WAPL: variants seen among roughly 807,000 people sequenced by gnomAD.
WAPL encodes wings apart-like protein homolog.
A neutral mutation model predicts 121.0 loss-of-function variants in WAPL; 5 were observed. The ratio of observed to expected loss-of-function variants is 0.04; its 90% CI spans 0.02 to 0.09. The LOEUF (loss-of-function observed/expected upper bound fraction) is 0.09. Among genes scored for constraint, WAPL ranks in the 10% least tolerant of loss-of-function variants. The probability of loss-of-function intolerance (pLI) is 1.00; values close to 1 mark genes in which losing one functional copy is unlikely to be tolerated. For synonymous variants in WAPL, 480 were observed against 481.5 expected (o/e 1.00, Z 0.04); for missense variants, 999 against 1,410.8 (o/e 0.71, Z 4.68).
chr10:86,459,734 A>G (rs1302683450), intron 11 of WAPL, among the ~76,000 whole-genome samples: 1 of 152,254 alleles, frequency 6.6e-6, no homozygotes, highest in Non-Finnish European at 1.5e-5. Flanking sequence ...TGCTAATAAC[A>G]ATTTAAAAAT....
At chr10:86,473,211 A>C (rs1841573109) in intron 5 of WAPL, among the ~76,000 whole-genome samples, 1 of 152,224 alleles carries the variant, frequency 6.6e-6, no homozygotes, top group Non-Finnish European at 1.5e-5. Flanking sequence ...ATTACTACTA[A>C]TATACAAAAT....
chr10:86,484,666 T>C (rs1292319862), intron 4 of WAPL, among the ~76,000 whole-genome samples: 1 of 152,230 alleles, frequency 6.6e-6, no homozygotes, highest in African/African-American at 2.4e-5. Context: ...CTTGCAATCC[T>C]GCAAGCTCCA....
In WAPL at chr10:86,496,549, T is replaced by C. The variant is rs1842153802; in HGVS notation, c.1644+652A>G. On this transcript the variant is annotated intron_variant, in intron 4 of 18. Coordinates refer to ENST00000298767, the MANE Select transcript of WAPL (RefSeq NM_015045.5). ...AAGGTAAAAACAATCCAAGTGTCCA[T>C]CAACAGATGAATGGATAAACAAAAT... Among the ~76,000 whole-genome samples, 6 of 152,102 alleles carry C rather than the reference T, an allele frequency of 3.9e-5. No individual in the cohort carries two copies. The South Asian group carries it at 1.0e-3, about 26-fold the overall frequency.
chr10:86,484,683 G>A (rs1029635755), intron 4 of WAPL, among the ~76,000 whole-genome samples: 2 of 152,130 alleles, frequency 1.3e-5, no homozygotes, highest in African/African-American at 4.8e-5. Context: ...TCCATTCATG[G>A]TTAAGTGTCC....
rs185649131 is a variant in WAPL, at chr10:86,449,587, T to C, written c.3114+2380A>G. Among the ~76,000 whole-genome samples the C allele has an allele frequency of 3.3e-5, 5 of 152,278 alleles. No individual in the cohort carries two copies. In the East Asian group the frequency reaches 7.7e-4, roughly 24 times the overall value. On this transcript the variant is annotated intron_variant, in intron 15 of 18. Coordinates refer to ENST00000298767, the MANE Select transcript of WAPL (RefSeq NM_015045.5). ...GACACAGTAGGAAAATTTGAGACTATCCCTGAAACAACTCACAAACAGGGA... is the reference window on the plus strand; with the variant it reads ...GACACAGTAGGAAAATTTGAGACTACCCCTGAAACAACTCACAAACAGGGA...
At chr10:86,468,027 T>C (rs1841441728) in intron 8 of WAPL, among the ~76,000 whole-genome samples, 1 of 152,018 alleles carries the variant, frequency 6.6e-6, no homozygotes, top group African/African-American at 2.4e-5. Context: ...TAAAATGCTG[T>C]TGCTTAAAAT....
intron 4 of WAPL, among the ~76,000 whole-genome samples, chr10:86,478,716 T>C (rs375287224): frequency 1.3e-5 from 2 of 152,196 alleles, no homozygotes; most frequent in African/African-American, 4.8e-5. Context: ...ATAGTTTCTA[T>C]AAAAACAATG....
At chr10:86,517,298 GAT>G (rs1842573898) in intron 2 of WAPL, among the ~76,000 whole-genome samples, 1 of 152,132 alleles carries the variant, frequency 6.6e-6, no homozygotes, top group Non-Finnish European at 1.5e-5. Flanking sequence ...AACAAAAAGA[GAT>G]ATTTCTTATT....
rs115116210 is a variant in WAPL, at chr10:86,459,625, T to C, written c.2581-560A>G. Among the ~76,000 whole-genome samples, 1,067 of 152,346 alleles carry C rather than the reference T, an allele frequency of 7.0e-3. 14 individuals are homozygous for C. The highest frequency in any genetic ancestry group is 0.024 in the African/African-American group (1,017 of 41,578). Reference sequence around the variant, plus strand: ...TTCGTAAGAGTCAAAGAACAAAATATACTCGCTGCAGTTCAACAGTATCAT... The same window carrying C: ...TTCGTAAGAGTCAAAGAACAAAATACACTCGCTGCAGTTCAACAGTATCAT... On this transcript the variant is annotated intron_variant, in intron 11 of 18. Coordinates refer to ENST00000298767, the MANE Select transcript of WAPL (RefSeq NM_015045.5).
intron 8 of WAPL, 99 bp from the exon 9 acceptor site, chr10:86,467,605 AT>A (rs1441384428): frequency 1.1e-6 from 1 of 909,756 alleles, no homozygotes; most frequent in Non-Finnish European, 1.6e-6. Context: ...TTACAAGTTA[AT>A]GCTTAAAACT....
Position 86,491,223 on chromosome 10 carries a change from TCTGCCTCCCGGGTTCGCGCCATTCTC to T in WAPL, c.1644+5952_1644+5977del, listed in dbSNP as rs1185959909. Among the ~76,000 whole-genome samples the T allele has an allele frequency of 2.3e-4, 32 of 141,510 alleles. 1 individual carries two copies. The highest frequency in any genetic ancestry group is 1.5e-3 in the Admixed American group (20 of 13,610). The allele number at this position is 141,510 out of a possible 152,430, so 92.8% of individuals were successfully genotyped here. A position where few individuals can be genotyped will look rare whatever the true frequency, so the allele number is the denominator to read the frequency against. ...GGCATGATCTCCGCTCACTGCAAACTCTGCCTCCCGGGTTCGCGCCATTCTCCTGCCTCAGCCTCCCAAGTAGCTGG... is the reference window on the plus strand; with the variant it reads ...GGCATGATCTCCGCTCACTGCAAACTCTGCCTCAGCCTCCCAAGTAGCTGG... On this transcript the variant is annotated intron_variant, in intron 4 of 18. Coordinates refer to ENST00000298767, the MANE Select transcript of WAPL (RefSeq NM_015045.5).
At chr10:86,489,253 G>A (rs961494697) in intron 4 of WAPL, among the ~76,000 whole-genome samples, 3 of 152,120 alleles carry the variant, frequency 2.0e-5, no homozygotes, top group African/African-American at 7.2e-5. Flanking sequence ...TTAGATCATG[G>A]GTTCTTTGTT....
At chr10:86,455,184 G>T (rs186558118) in intron 12 of WAPL, among the ~76,000 whole-genome samples, 2,345 of 152,346 alleles carry the variant, frequency 0.015, 55 homozygotes, top group African/African-American at 0.041. Flanking sequence ...CGTCTGGGAG[G>T]TGTACCCAAC....
At chr10:86,512,283 A>T (rs1233564884) in intron 2 of WAPL, among the ~76,000 whole-genome samples, 1 of 152,260 alleles carries the variant, frequency 6.6e-6, no homozygotes, top group Non-Finnish European at 1.5e-5. Context: ...GCTTTAAGCA[A>T]ATTAAAAAAA....
intron 2 of WAPL, among the ~76,000 whole-genome samples, chr10:86,507,365 C>CCAA (rs529744859): frequency 1.3e-5 from 1 of 77,702 alleles, no homozygotes; most frequent in African/African-American, 5.4e-5. Context: ...GACTCTGTCT[C>CCAA]AAAAAAAAAA....
At chr10:86,467,646 A>AG (rs1841428932) in intron 8 of WAPL, 140 bp from the exon 9 acceptor site, 1 of 659,104 alleles carries the variant, frequency 1.5e-6, no homozygotes, top group Non-Finnish European at 2.3e-6. Flanking sequence ...GAAACTTCAA[A>AG]AACGTTTTAT....
Position 86,472,160 on chromosome 10 carries a change from T to C in WAPL, c.2030+48A>G. The C allele has an allele frequency of 6.7e-7, 1 of 1,491,588 alleles. No individual in the cohort carries two copies. The highest frequency in any genetic ancestry group is 8.9e-7 in the Non-Finnish European group (1 of 1,126,560). The allele number at this position is 1,491,588 out of a possible 1,614,324, so 92.4% of individuals were successfully genotyped here. On this transcript the variant is annotated intron_variant, in intron 7 of 18. Coordinates refer to ENST00000298767, the MANE Select transcript of WAPL (RefSeq NM_015045.5). This position sits in a 1 kb window ranked among gnomAD's most constrained non-coding sequence, Gnocchi z 4.2. ...TTTGGACAACACCTAGTTGAAAAAA[T>C]TTAATACAGCATGCACATAATTGTA...
intron 12 of WAPL, among the ~76,000 whole-genome samples, chr10:86,454,398 T>C (rs565760073): frequency 6.6e-6 from 1 of 152,254 alleles, no homozygotes; most frequent in South Asian, 2.1e-4. Context: ...TCCCTCTCCC[T>C]CTCTCTCCAC....
chr10:86,513,046 TTTTTTG>T (rs900562951), intron 2 of WAPL, among the ~76,000 whole-genome samples: 116 of 152,254 alleles, frequency 7.6e-4, no homozygotes, highest in African/African-American at 2.7e-3. Context: ...TTTGCGGGGT[TTTTTTG>T]TTTTTGTTTT....
Sources: allele counts gnomAD v4.1 joint callset (sites outside exome capture counted in the v4.1 genomes callset), GRCh38; gene constraint gnomAD v4.1.1; non-coding constraint Gnocchi (gnomAD v3.1); transcripts MANE v1.5; gene names NCBI Gene and HGNC (gene_info 2026-07-23, HGNC 2026-07-21).